The following FRYL variants were observed in gnomAD, a reference collection of about 807,000 sequenced individuals.
The protein encoded by FRYL is protein furry homolog-like.
Under a neutral mutation model 351.2 loss-of-function variants are expected in FRYL, and 150 were observed. That is an observed-to-expected ratio of 0.43 (90% confidence interval 0.37 to 0.49). The LOEUF is 0.49. FRYL is among the 20% of genes least tolerant of loss of function. FRYL has a pLI of 0.00. For missense variants in FRYL, 3,036 were observed against 3,619.3 expected (o/e 0.84, Z 4.13); for synonymous variants, 1,153 against 1,257.1 (o/e 0.92, Z 1.75).
chr4:48,705,827 T>A (rs1471356658), intron 2 of FRYL, among the ~76,000 whole-genome samples: 1 of 152,094 alleles, frequency 6.6e-6, no homozygotes, highest in Non-Finnish European at 1.5e-5. Context: ...CACCCTTAAG[T>A]ATTCACTATT....
Position 48,575,225 on chromosome 4 carries a change from G to T in FRYL, c.2738C>A (p.Ser913Tyr). ...TATGTGCTTAAACAAGGATGAAGGG[G>T]ATGGGATGCCAATAATCTGGAAAAA... The part of the protein sequence containing the change: ...SIDSKIIGIP[S>Y]PSSLFKHIVP... The change falls in exon 25 of 64, where the codon TCC becomes TAC. Residue 913 changes from serine to tyrosine, a missense_variant. Physicochemically the swap from Ser to Tyr is moderately radical, Grantham distance 144 (BLOSUM62 -2). Transcript: ENST00000358350. 3.7e-6 allele frequency: 6 copies of T among 1,613,380 alleles called. No homozygotes were observed. In the South Asian group the frequency reaches 4.4e-5, roughly 12 times the overall value.
At chr4:48,706,200 T>C (rs1041808791) in intron 2 of FRYL, among the ~76,000 whole-genome samples, 1 of 152,206 alleles carries the variant, frequency 6.6e-6, no homozygotes, top group African/African-American at 2.4e-5. Context: ...GCTGAATACC[T>C]TGTTCCTAGC....
intron 13 of FRYL, among the ~76,000 whole-genome samples, chr4:48,598,134 A>G (rs1184954043): frequency 6.6e-6 from 1 of 152,234 alleles, no homozygotes; most frequent in Non-Finnish European, 1.5e-5. Context: ...ATGGTGGTGC[A>G]TGCCTGTAGT....
chr4:48,768,885 C>A (rs1308624011), intron 1 of FRYL, among the ~76,000 whole-genome samples: 1 of 152,110 alleles, frequency 6.6e-6, no homozygotes. Flanking sequence ...AATCCCAACA[C>A]TTTGCAAGGC....
chr4:48,645,116 C>A (rs1756123353), intron 3 of FRYL, among the ~76,000 whole-genome samples: 1 of 47,110 alleles, frequency 2.1e-5, no homozygotes, highest in Non-Finnish European at 4.3e-5. Flanking sequence ...CAGCAGTGAG[C>A]TTTCATTTTA....
chr4:48,606,560 G>A lies in FRYL; in HGVS notation c.619C>T (p.Arg207Ter), dbSNP rs1236806618. ...KKFVTELKEL[R>*]QKEQSPHVVQ... The stretch of plus-strand genomic sequence containing the variant: ...ACATGTGGGCTTTGTTCCTTTTGTC[G>A]CAGTTCTTTTAATTCTGTCACAAAC... Residue 207 changes from arginine to a stop codon, truncating the protein, a stop_gained, in exon 10 of 64, where the codon CGA becomes TGA. Transcript: ENST00000358350. LOFTEE classifies it high-confidence loss of function. 4.3e-6 allele frequency: 7 copies of A among 1,611,816 alleles called. No homozygotes were observed. Among genetic ancestry groups the A allele is most frequent in the Admixed American group, 1.7e-5 (1 of 59,966 alleles).
At chr4:48,758,417 A>G (rs1283973242) in intron 1 of FRYL, among the ~76,000 whole-genome samples, 1 of 152,180 alleles carries the variant, frequency 6.6e-6, no homozygotes, top group Non-Finnish European at 1.5e-5. Flanking sequence ...AAAAGTGGGC[A>G]AAGGATATGA....
intron 47 of FRYL, among the ~76,000 whole-genome samples, chr4:48,537,775 G>A (rs1041488547): frequency 6.6e-6 from 1 of 152,142 alleles, no homozygotes; most frequent in East Asian, 1.9e-4. Context: ...GATATTCAAG[G>A]AGCTGTAACA....
At chr4:48,508,432 A>G (rs1424709404) in intron 59 of FRYL, among the ~76,000 whole-genome samples, 4 of 152,174 alleles carry the variant, frequency 2.6e-5, no homozygotes, top group Non-Finnish European at 5.9e-5. Flanking sequence ...ATTTTTCTCA[A>G]TATTTGCAGT....
At position 48,510,946 on chromosome 4, in the gene FRYL, T is replaced by G; in HGVS notation, c.8184A>C (p.Ala2728=). The G allele has an allele frequency of 6.2e-7, 1 of 1,612,716 alleles. No individual in the cohort carries two copies. Among genetic ancestry groups the G allele is most frequent in the Non-Finnish European group, 8.5e-7 (1 of 1,179,042 alleles). The change falls in exon 58 of 64, where the codon GCA becomes GCC. Residue 2728 remains alanine (A), a synonymous_variant. Coordinates refer to ENST00000358350, the MANE Select transcript of FRYL (RefSeq NM_015030.2). ...GCAGACTATCACCAAGAAAGCTGACTGCCTCATTAGTTATTTCTCCAAACT... is the reference window on the plus strand; with the variant it reads ...GCAGACTATCACCAAGAAAGCTGACGGCCTCATTAGTTATTTCTCCAAACT... ...QRKFGEITNE[A]VSFLGDSLQR... is the part of the protein sequence containing the mutation.
chr4:48,656,419 A>AC (rs1759155463), intron 3 of FRYL, among the ~76,000 whole-genome samples: 1 of 135,380 alleles, frequency 7.4e-6, no homozygotes, highest in Non-Finnish European at 1.5e-5. Context: ...TATAATGTAT[A>AC]TATAATGTAT....
chr4:48,593,586 TCTGCCAGCCTCAGGTG>T (rs1743977809), intron 16 of FRYL, among the ~76,000 whole-genome samples: 1 of 572 alleles, frequency 1.7e-3, no homozygotes, highest in African/African-American at 4.8e-3. Context: ...CCTCAGGTGA[TCTGCCAGCCTCAGGTG>T]ATCTGCCCGC....
rs1560532950 is a variant in FRYL, at chr4:48,522,941, GCTT to G, written c.7478_7480del (p.Glu2493del). The stretch of plus-strand genomic sequence containing the variant: ...GAGTATCTGGCTTGCTGTAAGTGCC[GCTT>G]CTTCTTCCGAGGACTCATCTGTATC... On this transcript the variant is annotated inframe_deletion, in exon 54 of 64. Coordinates refer to ENST00000358350, the MANE Select transcript of FRYL (RefSeq NM_015030.2). The G allele has an allele frequency of 3.1e-6, 5 of 1,613,958 alleles. No homozygotes were observed. Among genetic ancestry groups the G allele is most frequent in the Non-Finnish European group, 4.2e-6 (5 of 1,179,872 alleles).
At chr4:48,638,194 T>G (rs1484134091) in intron 3 of FRYL, 2 of 152,084 alleles carry the variant, frequency 1.3e-5, no homozygotes, top group Non-Finnish European at 2.9e-5. Context: ...CTTACATATG[T>G]ACACAAATAT....
chr4:48,556,552 TC>T (rs1734168892), intron 35 of FRYL, among the ~76,000 whole-genome samples: 1 of 152,192 alleles, frequency 6.6e-6, no homozygotes, highest in African/African-American at 2.4e-5. Context: ...ACTAGAAACA[TC>T]CCCAGTGTGT....
intron 60 of FRYL, 134 bp from the exon 61 acceptor site, chr4:48,502,979 A>C: frequency 1.6e-6 from 1 of 607,616 alleles, no homozygotes; most frequent in Non-Finnish European, 2.8e-6. Flanking sequence ...ACCCCAAAGA[A>C]AATTATACAA....
At chr4:48,503,458 C>T (rs1720176376) in intron 60 of FRYL, among the ~76,000 whole-genome samples, 1 of 152,158 alleles carries the variant, frequency 6.6e-6, no homozygotes, top group African/African-American at 2.4e-5. Flanking sequence ...AAATATACTT[C>T]AGTAAGTTTC....
At chr4:48,643,949 T>A (rs1460639567) in intron 3 of FRYL, among the ~76,000 whole-genome samples, 18 of 146,758 alleles carry the variant, frequency 1.2e-4, no homozygotes, top group Admixed American at 3.4e-4. Context: ...CCAACTAAAA[T>A]TTTTTTTTTT....
chr4:48,739,960 G>A (rs1276279477), intron 1 of FRYL, among the ~76,000 whole-genome samples: 1 of 152,088 alleles, frequency 6.6e-6, no homozygotes, highest in Non-Finnish European at 1.5e-5. Context: ...CACCACCTTG[G>A]GACACTTTAG....
Sources: gnomAD v4.1 joint callset for allele counts (sites outside exome capture counted in the v4.1 genomes callset) on GRCh38, gnomAD v4.1.1 for gene constraint, MANE v1.5 for transcripts, NCBI Gene and HGNC (gene_info 2026-07-23, HGNC 2026-07-21) for gene names.